Variants in IRAK3 observed in about 807,000 individuals in gnomAD.
IRAK3 encodes interleukin-1 receptor-associated kinase 3.
IRAK3 carries 57 observed loss-of-function variants against 56.6 expected under a neutral mutation model. The ratio of observed to expected loss-of-function variants is 1.01; its 90% CI spans 0.81 to 1.26. The LOEUF (loss-of-function observed/expected upper bound fraction) is 1.26, where lower values mean the gene tolerates loss of function less well. Ranked by LOEUF, IRAK3 falls within the 50% of genes most tolerant of loss-of-function variation. The pLI is 0.00. For synonymous variants in IRAK3, 258 were observed against 255.7 expected (o/e 1.01, Z -0.09); for missense variants, 703 against 719.0 (o/e 0.98, Z 0.25).
chr12:66,223,632 C>T (rs2052757468), intron 6 of IRAK3, among the ~76,000 whole-genome samples: 1 of 149,052 alleles, frequency 6.7e-6, no homozygotes, highest in Admixed American at 6.7e-5. Context: ...GCACTCCAGC[C>T]TGGGCAACAG....
At chr12:66,217,309 C>A in intron 6 of IRAK3, 74 bp downstream of exon 6, 1 of 1,095,882 alleles carries the variant, frequency 9.1e-7, no homozygotes, top group Non-Finnish European at 1.4e-6. Flanking sequence ...TATTTTACAG[C>A]ACAGAGCTTG....
Position 66,217,132 on chromosome 12 carries a change from C to G in IRAK3, c.589-39C>G, listed in dbSNP as rs375583528. 3 of 1,421,058 alleles carry G rather than the reference C, an allele frequency of 2.1e-6. No individual in the cohort carries two copies. In the African/African-American group the frequency reaches 4.2e-5, roughly 20 times the overall value. The allele number at this position is 1,421,058 out of a possible 1,614,324, so 88.0% of individuals were successfully genotyped here. On this transcript the variant is annotated intron_variant, in intron 5 of 11. Coordinates refer to ENST00000261233, the MANE Select transcript of IRAK3 (RefSeq NM_007199.3). ...TGGGTTAAGAATCCCAGAAACAGATCCTTTCCTTAATTTTGTTCTTGTCTT... is the reference window on the plus strand; with the variant it reads ...TGGGTTAAGAATCCCAGAAACAGATGCTTTCCTTAATTTTGTTCTTGTCTT...
At chr12:66,195,230 A>C (rs1287232840) in intron 1 of IRAK3, among the ~76,000 whole-genome samples, 2 of 152,090 alleles carry the variant, frequency 1.3e-5, no homozygotes, top group East Asian at 3.9e-4. Context: ...TGCCTTCAGG[A>C]TCTGTCTAAT....
chr12:66,204,557 T>A (rs2052538909), intron 2 of IRAK3, among the ~76,000 whole-genome samples: 1 of 152,198 alleles, frequency 6.6e-6, no homozygotes, highest in South Asian at 2.1e-4. Context: ...TCTTTGTCAG[T>A]GAAATAATCT....
At chr12:66,198,652 G>A (rs1345678775) in intron 1 of IRAK3, among the ~76,000 whole-genome samples, 1 of 151,862 alleles carries the variant, frequency 6.6e-6, no homozygotes, top group South Asian at 2.1e-4. Context: ...GAAAAATGAA[G>A]AAGTCTATTA....
chr12:66,215,790 A>ACGTGCGCGCGCGCGCGCGCGCGCG lies in IRAK3; in HGVS notation c.589-1380_589-1379insGTGCGCGCGCGCGCGCGCGCGCGC, dbSNP rs1225435769. 3.1e-3 allele frequency among the ~76,000 whole-genome samples: 318 copies of ACGTGCGCGCGCGCGCGCGCGCGCG among 103,088 alleles called. 2 individuals carry two copies. Among genetic ancestry groups the ACGTGCGCGCGCGCGCGCGCGCGCG allele is most frequent in the African/African-American group, 8.8e-3 (288 of 32,608 alleles). 67.6% of individuals were successfully genotyped at this position (103,088 alleles called of 152,430 possible). A position where few individuals can be genotyped will look rare whatever the true frequency, so the allele number is the denominator to read the frequency against. The stretch of plus-strand genomic sequence containing the variant: ...CCCCCTATTTTAACCCAACATGCAC[A>ACGTGCGCGCGCGCGCGCGCGCGCG]CACACACACACACACACACACACAC... On this transcript the variant is annotated intron_variant, in intron 5 of 11. Transcript: ENST00000261233.
intron 1 of IRAK3, among the ~76,000 whole-genome samples, chr12:66,193,243 C>T (rs969070208): frequency 6.6e-6 from 1 of 152,064 alleles, no homozygotes; most frequent in African/African-American, 2.4e-5. Context: ...GAACTCCCGA[C>T]CTCAGGTGAT....
At chr12:66,235,807 T>C (rs1267905404) in intron 8 of IRAK3, among the ~76,000 whole-genome samples, 1 of 152,228 alleles carries the variant, frequency 6.6e-6, no homozygotes, top group East Asian at 1.9e-4. Context: ...CAACAACGTT[T>C]TGTTTGGTTG....
intron 1 of IRAK3, among the ~76,000 whole-genome samples, chr12:66,202,120 A>G (rs759863443): frequency 6.6e-6 from 1 of 152,218 alleles, no homozygotes; most frequent in Non-Finnish European, 1.5e-5. Context: ...AAAGTTACAA[A>G]TGAGGAAGGA....
chr12:66,248,208 A>T lies in IRAK3; in HGVS notation c.*37A>T. 1 of 1,460,584 alleles carries T rather than the reference A, an allele frequency of 6.8e-7. No homozygotes were observed. The allele number at this position is 1,460,584 out of a possible 1,614,324, so 90.5% of individuals were successfully genotyped here. The stretch of plus-strand genomic sequence containing the variant: ...AGATAAAGAAAAAAGCAAGTATTGC[A>T]TAGGCACCTGAGCATAGGTATGACC... On this transcript the variant is annotated 3_prime_UTR_variant, in exon 12 of 12. Coordinates refer to ENST00000261233, the MANE Select transcript of IRAK3 (RefSeq NM_007199.3).
chr12:66,242,220 T>C (rs2052977703), intron 8 of IRAK3, among the ~76,000 whole-genome samples: 1 of 152,134 alleles, frequency 6.6e-6, no homozygotes, highest in African/African-American at 2.4e-5. Flanking sequence ...GTCCTGGCAA[T>C]GAAGGTTGGA....
Position 66,215,796 on chromosome 12 carries a change from A to AGTG in IRAK3, c.589-1375_589-1374insGTG, listed in dbSNP as rs1238105835. 3.5e-3 allele frequency among the ~76,000 whole-genome samples: 199 copies of AGTG among 57,370 alleles called. 2 individuals carry two copies. The highest frequency in any genetic ancestry group is 8.0e-3 in the African/African-American group (194 of 24,214). 37.6% of individuals were successfully genotyped at this position (57,370 alleles called of 152,430 possible). On this transcript the variant is annotated intron_variant, in intron 5 of 11. Coordinates refer to ENST00000261233, the MANE Select transcript of IRAK3 (RefSeq NM_007199.3). Reference sequence around the variant, plus strand: ...ATTTTAACCCAACATGCACACACACACACACACACACACACACACACACAC... The same window carrying AGTG: ...ATTTTAACCCAACATGCACACACACAGTGCACACACACACACACACACACACAC...
Position 66,244,561 on chromosome 12 carries a change from A to G in IRAK3, c.963A>G (p.Leu321=). 1 of 1,614,070 alleles carries G rather than the reference A, an allele frequency of 6.2e-7. No homozygotes were observed. Among genetic ancestry groups the G allele is most frequent in the Non-Finnish European group, 8.5e-7 (1 of 1,179,912 alleles). The change falls in exon 9 of 12, where the codon CTA becomes CTG. Residue 321 remains leucine, a synonymous_variant. Coordinates refer to ENST00000261233, the MANE Select transcript of IRAK3 (RefSeq NM_007199.3). ...CCATGGCACACTTCCGGTCCCACCT[A>G]GAACATCAGAGTTGTACCATAAATA... ...DFAMAHFRSH[L]EHQSCTINMT... is the part of the protein sequence containing the mutation.
intron 1 of IRAK3, among the ~76,000 whole-genome samples, chr12:66,193,068 C>T (rs942042993): frequency 3.8e-4 from 57 of 151,796 alleles, no homozygotes; most frequent in African/African-American, 1.3e-3. Flanking sequence ...AGTGCAATGG[C>T]GCAATCTCAG....
chr12:66,229,921 C>G lies in IRAK3; in HGVS notation c.887+1551C>G, dbSNP rs2052826537. ...TAAGTATTAGCTTATTTTAAAGCCC[C>G]AAGCAGCAATAGATTAATTTTATTA... On this transcript the variant is annotated intron_variant, in intron 8 of 11. Coordinates refer to ENST00000261233, the MANE Select transcript of IRAK3 (RefSeq NM_007199.3). Among the ~76,000 whole-genome samples, 3 of 152,278 alleles carry G rather than the reference C, an allele frequency of 2.0e-5. No homozygotes were observed. The South Asian group carries it at 6.2e-4, about 32-fold the overall frequency.
chr12:66,223,803 T>C (rs1366277976), intron 6 of IRAK3, among the ~76,000 whole-genome samples: 24 of 150,172 alleles, frequency 1.6e-4, no homozygotes, highest in Admixed American at 1.6e-3. Context: ...AAGCTCTTCC[T>C]CCTGGGTTCA....
At chr12:66,204,876 T>A (rs1210123580) in intron 2 of IRAK3, among the ~76,000 whole-genome samples, 1 of 152,092 alleles carries the variant, frequency 6.6e-6, no homozygotes, top group Non-Finnish European at 1.5e-5. Context: ...ACTTTTATTT[T>A]GATCTTTCCT....
intron 8 of IRAK3, among the ~76,000 whole-genome samples, chr12:66,235,958 C>T (rs1565810136): frequency 6.6e-6 from 1 of 152,084 alleles, no homozygotes; most frequent in Non-Finnish European, 1.5e-5. Context: ...ACCTTACTGT[C>T]TCAAACCAAT....
intron 6 of IRAK3, among the ~76,000 whole-genome samples, chr12:66,223,655 T>A (rs111510410): frequency 0.075 from 11,025 of 147,922 alleles, 518 homozygotes; most frequent in African/African-American, 0.13. Flanking sequence ...CGAGACTCCG[T>A]CTCAAAAAAA....
Sources: allele counts gnomAD v4.1 joint callset (sites outside exome capture counted in the v4.1 genomes callset), GRCh38; gene constraint gnomAD v4.1.1; transcripts MANE v1.5; gene names NCBI Gene and HGNC (gene_info 2026-07-23, HGNC 2026-07-21).